Variants in SLC25A26 observed in about 807,000 individuals in gnomAD.
SLC25A26 encodes the protein solute carrier family 25 member 26, also known as mitochondrial S-adenosylmethionine carrier protein.
Under a neutral mutation model 37.8 loss-of-function variants are expected in SLC25A26, and 36 were observed. The observed-to-expected ratio is 0.95, with a 90% CI of 0.73 to 1.26. The LOEUF (loss-of-function observed/expected upper bound fraction) is 1.26, where lower values mean the gene tolerates loss of function less well. Ranked by LOEUF, SLC25A26 falls within the 50% of genes most tolerant of loss-of-function variation. The pLI, the probability that SLC25A26 is intolerant of heterozygous loss-of-function variation, is 0.00. For missense variants in SLC25A26, 390 were observed against 331.1 expected, an observed-to-expected ratio of 1.18 and a Z score of -1.38; for synonymous variants, 129 against 122.5, an observed-to-expected ratio of 1.05 and a Z score of -0.35.
At chr3:66,351,665 A>G (rs1007131646) in intron 6 of SLC25A26, among the ~76,000 whole-genome samples, 1 of 152,106 alleles carries the variant, frequency 6.6e-6, no homozygotes, top group Non-Finnish European at 1.5e-5. Context: ...TCAGAACAGA[A>G]CTGTCAGTTT....
chr3:66,305,855 C>G (rs921569771), intron 5 of SLC25A26, among the ~76,000 whole-genome samples: 2 of 152,114 alleles, frequency 1.3e-5, no homozygotes, highest in African/African-American at 2.4e-5. Context: ...ATTTCTGGTT[C>G]TTGCTCTTTG....
At chr3:66,150,648 A>ATATATC in intron 1 of SLC25A26, among the ~76,000 whole-genome samples, 1 of 94,536 alleles carries the variant, frequency 1.1e-5, no homozygotes, top group African/African-American at 4.2e-5. Context: ...ATATATATAT[A>ATATATC]TATATATCAT....
intron 1 of SLC25A26, among the ~76,000 whole-genome samples, chr3:66,171,479 G>C (rs1398185088): frequency 6.6e-6 from 1 of 152,016 alleles, no homozygotes; most frequent in African/African-American, 2.4e-5. Context: ...TGCAATGAAG[G>C]ACCCTGAGAT....
chr3:66,274,076 A>G (rs1347343352), intron 5 of SLC25A26, among the ~76,000 whole-genome samples: 1 of 152,170 alleles, frequency 6.6e-6, no homozygotes, highest in Admixed American at 6.5e-5. Flanking sequence ...AACAGAACAG[A>G]GCCCTCAGAA....
At chr3:66,187,943 A>G (rs1275746534) in intron 1 of SLC25A26, among the ~76,000 whole-genome samples, 1 of 151,944 alleles carries the variant, frequency 6.6e-6, no homozygotes, top group Admixed American at 6.6e-5. Context: ...CTCACCCTGA[A>G]CCTATCCCTC....
chr3:66,137,300 C>G (rs749232857), intron 1 of SLC25A26, among the ~76,000 whole-genome samples: 1 of 149,352 alleles, frequency 6.7e-6, no homozygotes, highest in African/African-American at 2.5e-5. Flanking sequence ...AAACTCTGCT[C>G]ACTGCAACCT....
At chr3:66,352,435 G>T (rs7633614) in intron 6 of SLC25A26, among the ~76,000 whole-genome samples, 10,527 of 129,846 alleles carry the variant, frequency 0.081, 1,537 homozygotes, top group African/African-American at 0.31. Flanking sequence ...TTTGTTTTTT[G>T]TTTTTTGTTT....
chr3:66,134,831 T>TA (rs2069922998), intron 1 of SLC25A26, among the ~76,000 whole-genome samples: 1 of 145,990 alleles, frequency 6.8e-6, no homozygotes, highest in Non-Finnish European at 1.6e-5. Flanking sequence ...TTTCCTTTAT[T>TA]TTTTTTTTTA....
rs117330965 is a variant in SLC25A26 at position 66,317,757 on chromosome 3, T to C, written c.454-28607T>C. ...ATGATACCACAGCCGCCCCTCCTCC[T>C]AGGGGCTCCTGTCAGGGATATCAGA... On this transcript the variant is annotated intron_variant, in intron 5 of 9. Transcript: ENST00000354883. Among the ~76,000 whole-genome samples the C allele has an allele frequency of 7.2e-5, 11 of 152,266 alleles. No individual in the cohort carries two copies. The East Asian group carries it at 2.1e-3, about 29-fold the overall frequency.
At chr3:66,338,408 G>A (rs1575585237) in intron 5 of SLC25A26, among the ~76,000 whole-genome samples, 1 of 152,090 alleles carries the variant, frequency 6.6e-6, no homozygotes, top group East Asian at 1.9e-4. Flanking sequence ...AGCAAAGTAT[G>A]AAAGTTGTGG....
upstream of SLC25A26, among the ~76,000 whole-genome samples, chr3:66,219,367 G>A (rs952597057): frequency 1.4e-4 from 21 of 152,250 alleles, no homozygotes; most frequent in East Asian, 2.3e-3. Context: ...ATGTTGTCAC[G>A]TATGGCAAAA....
chr3:66,158,284 A>G (rs909682311), intron 1 of SLC25A26, among the ~76,000 whole-genome samples: 2 of 152,166 alleles, frequency 1.3e-5, no homozygotes, highest in Non-Finnish European at 2.9e-5. Context: ...TGTAGCATGT[A>G]TTATTCTTTT....
In SLC25A26 at chr3:66,370,576, G is replaced by C; in HGVS notation, c.681G>C (p.Gly227=). Residue 227 remains glycine (G), a synonymous_variant, in exon 9 of 10, where the codon GGG becomes GGC. Transcript: ENST00000354883. ...GGAATGTGCTCTCTGTCCTGCATGG[G>C]GTCTGGCGGTCACAGGGGCTGGCAG... ...ADGNVLSVLH[G]VWRSQGLAGL... is the part of the protein sequence containing the mutation. The C allele has an allele frequency of 6.2e-7, 1 of 1,613,856 alleles. No individual in the cohort carries two copies. Among genetic ancestry groups the C allele is most frequent in the Non-Finnish European group, 8.5e-7 (1 of 1,179,862 alleles).
intron 5 of SLC25A26, among the ~76,000 whole-genome samples, chr3:66,325,390 A>G (rs997226443): frequency 6.6e-6 from 1 of 152,228 alleles, no homozygotes; most frequent in African/African-American, 2.4e-5. Context: ...ACCAGGTACT[A>G]TGCATAGGGG....
chr3:66,277,597 C>T (rs991121624), intron 5 of SLC25A26, among the ~76,000 whole-genome samples: 2 of 151,900 alleles, frequency 1.3e-5, no homozygotes, highest in Admixed American at 6.6e-5. Context: ...ACATTGCTCA[C>T]TTTAATATAT....
At chr3:66,367,117 A>G (rs973563920) in intron 7 of SLC25A26, among the ~76,000 whole-genome samples, 5 of 152,328 alleles carry the variant, frequency 3.3e-5, no homozygotes, top group African/African-American at 1.2e-4. Flanking sequence ...GTGCTGGTCT[A>G]AAGATACGAA....
At chr3:66,153,450 A>C (rs1378018284) in intron 1 of SLC25A26, among the ~76,000 whole-genome samples, 1 of 152,220 alleles carries the variant, frequency 6.6e-6, no homozygotes, top group Non-Finnish European at 1.5e-5. Flanking sequence ...AAGTTTCCTG[A>C]AGCTTGACTC....
intron 5 of SLC25A26, among the ~76,000 whole-genome samples, chr3:66,287,954 A>G (rs573508206): frequency 6.6e-6 from 1 of 152,326 alleles, no homozygotes; most frequent in East Asian, 1.9e-4. Context: ...TTTTGAGAAT[A>G]ATATTGTTAC....
chr3:66,372,712 A>G (rs1418879191), intron 9 of SLC25A26, among the ~76,000 whole-genome samples: 1 of 152,138 alleles, frequency 6.6e-6, no homozygotes, highest in African/African-American at 2.4e-5. Flanking sequence ...GATTAAAGAC[A>G]ATAAATAATT....
Sources: gnomAD v4.1 joint callset for allele counts (sites outside exome capture counted in the v4.1 genomes callset) on GRCh38, gnomAD v4.1.1 for gene constraint, MANE v1.5 for transcripts, NCBI Gene and HGNC (gene_info 2026-07-23, HGNC 2026-07-21) for gene names.